RHAG: variants seen among roughly 807,000 people sequenced by gnomAD.
RHAG encodes the protein Rh associated glycoprotein.
In RHAG, 25 loss-of-function variants were observed where a neutral mutation model predicts 42.4. The observed-to-expected ratio is 0.59, with a 90% CI of 0.43 to 0.82. The LOEUF (loss-of-function observed/expected upper bound fraction) is 0.82. Ranked by LOEUF, RHAG falls within the 40% of genes least tolerant of loss-of-function variation. RHAG has a pLI of 0.00. For synonymous variants in RHAG, 182 were observed against 177.7 expected (o/e 1.02, Z -0.19); for missense variants, 483 against 504.6 (o/e 0.96, Z 0.41).
At chr6:49,611,767 A>C (rs1391548277) in intron 6 of RHAG, among the ~76,000 whole-genome samples, 3 of 149,580 alleles carry the variant, frequency 2.0e-5, no homozygotes, top group African/African-American at 7.4e-5. Flanking sequence ...TTTGAGACAG[A>C]GTCTCACTCC....
intron 1 of RHAG, among the ~76,000 whole-genome samples, chr6:49,621,042 G>A (rs935580583): frequency 2.0e-5 from 3 of 152,102 alleles, no homozygotes; most frequent in Admixed American, 1.3e-4. Flanking sequence ...TAAAATAACC[G>A]AAGCAGAGCT....
rs1487907787 is a variant in RHAG at position 49,619,460 on chromosome 6, A to G, written c.158-98T>C. The G allele has an allele frequency of 6.4e-6, 7 of 1,086,248 alleles. No individual in the cohort carries two copies. In the African/African-American group the frequency reaches 1.1e-4, roughly 17 times the overall value. The allele number at this position is 1,086,248 out of a possible 1,614,324, so 67.3% of individuals were successfully genotyped here. A position where few individuals can be genotyped will look rare whatever the true frequency, so the allele number is the denominator to read the frequency against. On this transcript the variant is annotated intron_variant, in intron 1 of 9. Transcript: ENST00000371175. ...ACTTATTAAGTGCTACCACCTTTGTATAACACACTAGGAAAAGAGAGCATT... is the reference window on the plus strand; with the variant it reads ...ACTTATTAAGTGCTACCACCTTTGTGTAACACACTAGGAAAAGAGAGCATT...
chr6:49,636,188 A>C (rs1053272362), intron 1 of RHAG, among the ~76,000 whole-genome samples: 1 of 152,136 alleles, frequency 6.6e-6, no homozygotes, highest in Non-Finnish European at 1.5e-5. Flanking sequence ...TTAAAACTCC[A>C]TTAACTTCCT....
Position 49,612,480 on chromosome 6 carries a change from C to T in RHAG, c.862G>A (p.Asp288Asn), listed in dbSNP as rs1178149107. ...AGGVAVGTCA[D>N]MAIHPFGSMI... ...GAACCAAATGGGTGAATTGCCATAT[C>T]CGCACAAGTGCCCACAGCAACTCCT... The change falls in exon 6 of 10, where the codon GAT becomes AAT. Residue 288 changes from aspartate to asparagine, a missense_variant. Coordinates refer to ENST00000371175, the MANE Select transcript of RHAG (RefSeq NM_000324.3). The T allele has an allele frequency of 1.2e-6, 2 of 1,613,980 alleles. No homozygotes were observed. Among genetic ancestry groups the T allele is most frequent in the Non-Finnish European group, 1.7e-6 (2 of 1,179,988 alleles).
Position 49,605,652 on chromosome 6 carries a change from G to A in RHAG, c.*161C>T, listed in dbSNP as rs1434685762. 4 of 744,054 alleles carry A rather than the reference G, an allele frequency of 5.4e-6. No homozygotes were observed. In the East Asian group the frequency reaches 1.0e-4, roughly 19 times the overall value. The allele number at this position is 744,054 out of a possible 1,614,324, so 46.1% of individuals were successfully genotyped here. On this transcript the variant is annotated 3_prime_UTR_variant, in exon 10 of 10. Coordinates refer to ENST00000371175, the MANE Select transcript of RHAG (RefSeq NM_000324.3). ...TTTTACACTGGCCATTTGGGACTTA[G>A]GATCTATTCACTCTGGTCCATACTC... is the stretch of plus-strand genomic sequence containing the variant.
intron 1 of RHAG, among the ~76,000 whole-genome samples, chr6:49,625,229 A>G (rs1279644991): frequency 1.3e-5 from 2 of 152,232 alleles, no homozygotes; most frequent in Non-Finnish European, 2.9e-5. Flanking sequence ...AATGTGGCCT[A>G]AATTCCTACC....
rs149821827 is a variant in RHAG, at chr6:49,613,194, C to G, written c.808-660G>C. Among the ~76,000 whole-genome samples the G allele has an allele frequency of 3.6e-3, 550 of 151,760 alleles. 4 individuals are homozygous for G. The highest frequency in any genetic ancestry group is 0.013 in the African/African-American group (518 of 41,380). ...AAGTGATTCTCCTGCCTCAGCCTCTCTAGTAGCTGGGATTACAGGTGCACG... is the reference window on the plus strand; with the variant it reads ...AAGTGATTCTCCTGCCTCAGCCTCTGTAGTAGCTGGGATTACAGGTGCACG... On this transcript the variant is annotated intron_variant, in intron 5 of 9. Coordinates refer to ENST00000371175, the MANE Select transcript of RHAG (RefSeq NM_000324.3).
At chr6:49,608,117 T>G (rs1762505692) in intron 7 of RHAG, among the ~76,000 whole-genome samples, 1 of 152,154 alleles carries the variant, frequency 6.6e-6, no homozygotes, top group African/African-American at 2.4e-5. Flanking sequence ...AGAATAAAAA[T>G]GTAAAATAAA....
rs192020705 is a variant in RHAG at position 49,629,921 on chromosome 6, G to C, written c.157+6735C>G. 4.7e-3 allele frequency among the ~76,000 whole-genome samples: 716 copies of C among 152,294 alleles called. 6 individuals carry two copies. The highest frequency in any genetic ancestry group is 0.017 in the African/African-American group (688 of 41,574). ...CCGCACGCAGCCCCGGTTCCCGCTC[G>C]CGCCTCTCCCTCCACACCTCCCTGC... On this transcript the variant is annotated intron_variant, in intron 1 of 9. Transcript: ENST00000371175.
chr6:49,633,999 G>A (rs966541911), intron 1 of RHAG, among the ~76,000 whole-genome samples: 6 of 151,822 alleles, frequency 4.0e-5, no homozygotes, highest in South Asian at 2.1e-4. Flanking sequence ...AAATTGATAC[G>A]TAATATGTAT....
chr6:49,607,304 G>T, intron 7 of RHAG, 84 bp from the exon 8 acceptor site: 1 of 990,482 alleles, frequency 1.0e-6, no homozygotes, highest in Non-Finnish European at 1.6e-6. Flanking sequence ...GTGGATGACT[G>T]CCATCTTCAG....
At chr6:49,619,095 T>A in intron 2 of RHAG, 84 bp downstream of exon 2, 5 of 1,478,450 alleles carry the variant, frequency 3.4e-6, no homozygotes, top group Non-Finnish European at 4.7e-6. Flanking sequence ...CCCCCACCTC[T>A]TAATATCATC....
chr6:49,631,011 G>T (rs956817312), intron 1 of RHAG, among the ~76,000 whole-genome samples: 1 of 152,048 alleles, frequency 6.6e-6, no homozygotes, highest in African/African-American at 2.4e-5. Flanking sequence ...CTACAATTTG[G>T]ATTTGTTTGA....
intron 7 of RHAG, among the ~76,000 whole-genome samples, chr6:49,609,854 T>C (rs915190995): frequency 3.9e-5 from 6 of 152,196 alleles, no homozygotes; most frequent in African/African-American, 9.6e-5. Context: ...ATGCTTTCAA[T>C]TGGATTTAAA....
intron 1 of RHAG, among the ~76,000 whole-genome samples, chr6:49,634,932 A>C (rs1351238631): frequency 1.6e-5 from 2 of 128,556 alleles, no homozygotes; most frequent in Non-Finnish European, 3.2e-5. Context: ...TTACCTCTAC[A>C]TTGTTATTAT....
intron 9 of RHAG, 148 bp from the exon 10 acceptor site, chr6:49,605,978 AAG>A (rs1774156443): frequency 1.4e-6 from 1 of 735,058 alleles, no homozygotes; most frequent in Non-Finnish European, 2.4e-6. Flanking sequence ...AGAAAAATAA[AAG>A]AATAAAACAT....
At position 49,629,624 on chromosome 6, in the gene RHAG, G is replaced by A. The variant is rs1762902023; in HGVS notation, c.157+7032C>T. Reference sequence around the variant, plus strand: ...GGTGGCGTTCATCGGGGAGGCTCGGGCACACAGGAGCCCATGGAGGGGGTG... The same window carrying A: ...GGTGGCGTTCATCGGGGAGGCTCGGACACACAGGAGCCCATGGAGGGGGTG... On this transcript the variant is annotated intron_variant, in intron 1 of 9. Coordinates refer to ENST00000371175, the MANE Select transcript of RHAG (RefSeq NM_000324.3). Among the ~76,000 whole-genome samples the A allele has an allele frequency of 2.0e-5, 3 of 152,002 alleles. No homozygotes were observed. The South Asian group carries it at 6.2e-4, about 31-fold the overall frequency.
Position 49,618,059 on chromosome 6 carries a change from A to G in RHAG, c.492+9T>C, listed in dbSNP as rs1364632578. On this transcript the variant is annotated intron_variant, in intron 3 of 9. Coordinates refer to ENST00000371175, the MANE Select transcript of RHAG (RefSeq NM_000324.3). ...AAAGCTAGGAAAGTATAAATTTTCTAACTCTTACCTTAAATATTTCACTAA... is the reference window on the plus strand; with the variant it reads ...AAAGCTAGGAAAGTATAAATTTTCTGACTCTTACCTTAAATATTTCACTAA... The G allele has an allele frequency of 6.2e-6, 10 of 1,612,966 alleles. No homozygotes were observed. The highest frequency in any genetic ancestry group is 1.7e-5 in the Admixed American group (1 of 60,000).
rs115220606 is a variant in RHAG, at chr6:49,612,206, T to C, written c.945+191A>G. Among the ~76,000 whole-genome samples, 964 of 152,332 alleles carry C rather than the reference T, an allele frequency of 6.3e-3. 12 individuals carry two copies. The highest frequency in any genetic ancestry group is 0.022 in the African/African-American group (898 of 41,578). On this transcript the variant is annotated intron_variant, in intron 6 of 9. Transcript: ENST00000371175. ...TAATTGATACTGGATTCTTTCCTGT[T>C]ACACAGAAGTCAGGGCAGAGTAGAA...
Sources: allele counts gnomAD v4.1 joint callset (sites outside exome capture counted in the v4.1 genomes callset), GRCh38; gene constraint gnomAD v4.1.1; transcripts MANE v1.5; gene names NCBI Gene and HGNC (gene_info 2026-07-23, HGNC 2026-07-21).